The following STMN2 variants were observed in gnomAD, a reference collection of about 807,000 sequenced individuals.
STMN2 encodes the protein stathmin 2, also known as stathmin-2.
STMN2 carries 2 observed loss-of-function variants against 24.1 expected under a neutral mutation model. The observed-to-expected ratio is 0.08, with a 90% CI of 0.03 to 0.26. STMN2 has a LOEUF of 0.26. Among genes scored for constraint, STMN2 ranks in the 10% least tolerant of loss-of-function variants. The probability of loss-of-function intolerance (pLI) is 1.00; values close to 1 mark genes in which losing one functional copy is unlikely to be tolerated. For synonymous variants in STMN2, 83 were observed against 77.5 expected (o/e 1.07, Z -0.37); for missense variants, 114 against 213.6 (o/e 0.53, Z 2.91).
chr8:79,621,792 T>G (rs1809521658), intron 1 of STMN2, among the ~76,000 whole-genome samples: 1 of 152,286 alleles, frequency 6.6e-6, no homozygotes, highest in East Asian at 1.9e-4. Context: ...AACTCAGTAC[T>G]TACTTTGCTT....
At chr8:79,623,884 T>A (rs1353938910) in intron 1 of STMN2, among the ~76,000 whole-genome samples, 2 of 152,198 alleles carry the variant, frequency 1.3e-5, no homozygotes, top group Non-Finnish European at 2.9e-5. Flanking sequence ...TGGTTGATGA[T>A]TTTTTTAAAA....
intron 3 of STMN2, among the ~76,000 whole-genome samples, chr8:79,649,105 T>C (rs555855011): frequency 6.6e-6 from 1 of 152,326 alleles, no homozygotes. Flanking sequence ...CATGATAGAC[T>C]TACCTTTTCC....
At chr8:79,661,254 C>G (rs1806494819) in intron 4 of STMN2, among the ~76,000 whole-genome samples, 1 of 152,112 alleles carries the variant, frequency 6.6e-6, no homozygotes, top group Non-Finnish European at 1.5e-5. Context: ...TTCCCATCAA[C>G]AGTGTAAAGT....
rs758586958 is a variant in STMN2 at position 79,664,913 on chromosome 8, C to T, written c.*39C>T. ...CTGGCACGCCCCACCAATAGTAAAT[C>T]CCCCTGCCTATATTATAATGGATCA... On this transcript the variant is annotated 3_prime_UTR_variant, in exon 5 of 5. Transcript: ENST00000220876. 2.5e-6 allele frequency: 4 copies of T among 1,596,754 alleles called. No individual in the cohort carries two copies. In the East Asian group the frequency reaches 6.8e-5, roughly 27 times the overall value.
At chr8:79,638,186 C>T (rs377729960) in intron 2 of STMN2, among the ~76,000 whole-genome samples, 105 of 152,288 alleles carry the variant, frequency 6.9e-4, no homozygotes, top group Admixed American at 6.5e-4. Flanking sequence ...TTCCATAGGG[C>T]GTAGTCCTCA....
chr8:79,613,694 G>C (rs1314722204), intron 1 of STMN2: 1 of 985,292 alleles, frequency 1.0e-6, no homozygotes, highest in African/African-American at 1.7e-5. Flanking sequence ...CTTGGTTAAG[G>C]ATTAACCCTT....
rs1176413182 is a variant in STMN2 at position 79,611,994 on chromosome 8, G to A, written c.19+780G>A. 3.9e-5 allele frequency among the ~76,000 whole-genome samples: 6 copies of A among 152,120 alleles called. 2 individuals are homozygous for A. The highest frequency in any genetic ancestry group is 8.8e-5 in the Non-Finnish European group (6 of 67,992). On this transcript the variant is annotated intron_variant, in intron 1 of 4. Coordinates refer to ENST00000220876, the MANE Select transcript of STMN2 (RefSeq NM_007029.4). ...GGGGTTTCTTTGTGTGCGGACCAGCGGTCCCGGGGGGAGGCACCTGCAGCG... is the reference window on the plus strand; with the variant it reads ...GGGGTTTCTTTGTGTGCGGACCAGCAGTCCCGGGGGGAGGCACCTGCAGCG...
At chr8:79,642,752 A>C (rs1369190367) in intron 3 of STMN2, among the ~76,000 whole-genome samples, 2 of 151,952 alleles carry the variant, frequency 1.3e-5, no homozygotes, top group Admixed American at 6.6e-5. Context: ...CCTTAGATTA[A>C]ATTTTCTAAA....
chr8:79,651,617 A>G (rs1810335112), intron 3 of STMN2, among the ~76,000 whole-genome samples: 1 of 152,244 alleles, frequency 6.6e-6, no homozygotes, highest in Non-Finnish European at 1.5e-5. Context: ...ACAAAGGAAA[A>G]TTAAGAACAC....
chr8:79,628,038 T>C (rs1301117854), intron 1 of STMN2, among the ~76,000 whole-genome samples: 1 of 152,242 alleles, frequency 6.6e-6, no homozygotes, highest in Admixed American at 6.5e-5. Flanking sequence ...ATCTTGGGTC[T>C]TGTGAATAAT....
intron 1 of STMN2, among the ~76,000 whole-genome samples, chr8:79,619,367 G>A (rs1268115756): frequency 6.6e-6 from 1 of 152,092 alleles, no homozygotes; most frequent in African/African-American, 2.4e-5. Flanking sequence ...CTCTGTCTTT[G>A]GAAGTTTTTT....
chr8:79,656,778 A>G (rs1806381724), intron 4 of STMN2, among the ~76,000 whole-genome samples: 1 of 152,188 alleles, frequency 6.6e-6, no homozygotes, highest in South Asian at 2.1e-4. Context: ...AGCATTCTCA[A>G]TTAGGCCTCA....
chr8:79,649,825 A>G (rs1810294591), intron 3 of STMN2, among the ~76,000 whole-genome samples: 1 of 152,210 alleles, frequency 6.6e-6, no homozygotes. Context: ...CTCCATTTGT[A>G]TAGTAATTAA....
chr8:79,632,189 T>C lies in STMN2; in HGVS notation c.20-4613T>C, dbSNP rs73254091. On this transcript the variant is annotated intron_variant, in intron 1 of 4. Transcript: ENST00000220876. ...CCTGGAAATGACAGGGGTTTTTTTC[T>C]TAAGGAAAGAGGTGCTTTCTGCCAC... Among the ~76,000 whole-genome samples the C allele has an allele frequency of 9.3e-3, 1,417 of 152,264 alleles. 22 individuals carry two copies. The highest frequency in any genetic ancestry group is 0.032 in the African/African-American group (1,317 of 41,528).
At chr8:79,658,938 C>T (rs1387229612) in intron 4 of STMN2, among the ~76,000 whole-genome samples, 1 of 152,180 alleles carries the variant, frequency 6.6e-6, no homozygotes, top group Non-Finnish European at 1.5e-5. Context: ...GGAATAGGGC[C>T]AAGAACCTTG....
intron 3 of STMN2, among the ~76,000 whole-genome samples, chr8:79,654,471 G>A (rs1810402453): frequency 6.6e-6 from 1 of 152,166 alleles, no homozygotes; most frequent in Admixed American, 6.5e-5. Flanking sequence ...CAATGGATCA[G>A]GAAGAAGATC....
intron 3 of STMN2, among the ~76,000 whole-genome samples, chr8:79,650,079 G>A (rs952826829): frequency 6.6e-6 from 1 of 152,166 alleles, no homozygotes; most frequent in Non-Finnish European, 1.5e-5. Context: ...CTCCCGGAAC[G>A]TCACGTTGAA....
At chr8:79,624,892 A>G (rs190886493) in intron 1 of STMN2, among the ~76,000 whole-genome samples, 27 of 152,344 alleles carry the variant, frequency 1.8e-4, no homozygotes, top group Admixed American at 4.6e-4. Context: ...ATACCATCTT[A>G]TAGCAATATT....
In STMN2 at chr8:79,636,991, CA is replaced by C. The variant is rs1809978647; in HGVS notation, c.115+96del. The C allele has an allele frequency of 2.6e-6, 3 of 1,162,674 alleles. No homozygotes were observed. The African/African-American group carries it at 4.6e-5, about 18-fold the overall frequency. The allele number at this position is 1,162,674 out of a possible 1,614,324, so 72.0% of individuals were successfully genotyped here. A position where few individuals can be genotyped will look rare whatever the true frequency, so the allele number is the denominator to read the frequency against. The stretch of plus-strand genomic sequence containing the variant: ...CTTACAGCTCCTGATATAATTACAT[CA>C]ATATTTTGTAGCTCTCACTATTGAC... On this transcript the variant is annotated intron_variant, in intron 2 of 4. Transcript: ENST00000220876.
Sources: allele counts gnomAD v4.1 joint callset (sites outside exome capture counted in the v4.1 genomes callset), GRCh38; gene constraint gnomAD v4.1.1; transcripts MANE v1.5; gene names NCBI Gene and HGNC (gene_info 2026-07-23, HGNC 2026-07-21).